Variants in ZNF704 observed in about 807,000 individuals in gnomAD.
The protein encoded by ZNF704 is zinc finger protein 704, also known as glucocorticoid induced gene 1.
ZNF704 carries 10 observed loss-of-function variants against 44.7 expected under a neutral mutation model. That is an observed-to-expected ratio of 0.22 (90% CI 0.14 to 0.38). The LOEUF (loss-of-function observed/expected upper bound fraction) is 0.38, where lower values mean the gene tolerates loss of function less well. Among genes scored for constraint, ZNF704 ranks in the 10% least tolerant of loss-of-function variants. ZNF704 has a pLI of 1.00. For missense variants in ZNF704, 390 were observed against 545.5 expected (o/e 0.71, Z 2.84); for synonymous variants, 211 against 207.6 (o/e 1.02, Z -0.14).
intron 2 of ZNF704, among the ~76,000 whole-genome samples, chr8:80,782,646 A>C (rs1807548631): frequency 6.6e-6 from 1 of 152,130 alleles, no homozygotes; most frequent in Admixed American, 6.5e-5. Context: ...TGGGAGTGTA[A>C]CCAGAAGAGG....
At chr8:80,824,380 AAG>A (rs1462242953) in intron 1 of ZNF704, among the ~76,000 whole-genome samples, 1 of 152,186 alleles carries the variant, frequency 6.6e-6, no homozygotes, top group Non-Finnish European at 1.5e-5. Context: ...TTAGAGAAAA[AAG>A]AGTAAAAAGA....
intron 1 of ZNF704, among the ~76,000 whole-genome samples, chr8:80,842,917 T>G (rs1354256840): frequency 2.6e-5 from 4 of 152,184 alleles, no homozygotes; most frequent in Non-Finnish European, 5.9e-5. Context: ...AAGGGATCCA[T>G]GCTTGGATCT....
chr8:80,761,100 T>A (rs919913648), intron 2 of ZNF704, among the ~76,000 whole-genome samples: 6 of 152,082 alleles, frequency 3.9e-5, no homozygotes, highest in African/African-American at 1.4e-4. Context: ...AGTACCCTTA[T>A]ACAAGGGCTG....
intron 2 of ZNF704, among the ~76,000 whole-genome samples, chr8:80,766,441 C>T (rs1807228675): frequency 6.6e-6 from 1 of 152,180 alleles, no homozygotes; most frequent in Non-Finnish European, 1.5e-5. Flanking sequence ...AGCTGCACCC[C>T]TGTCCTTTCC....
intron 2 of ZNF704, among the ~76,000 whole-genome samples, chr8:80,792,009 G>C (rs528882309): frequency 6.2e-4 from 94 of 152,290 alleles, no homozygotes; most frequent in African/African-American, 2.2e-3. Flanking sequence ...TGAATGACTG[G>C]AGAAAGAAAA....
intron 2 of ZNF704, among the ~76,000 whole-genome samples, chr8:80,750,759 C>T (rs1806929056): frequency 6.6e-6 from 1 of 152,140 alleles, no homozygotes; most frequent in South Asian, 2.1e-4. Context: ...AGGTGATCCA[C>T]CCACCTCAGC....
intron 1 of ZNF704, among the ~76,000 whole-genome samples, chr8:80,870,483 T>C (rs1480987722): frequency 6.6e-6 from 1 of 152,226 alleles, no homozygotes; most frequent in Admixed American, 6.5e-5. Context: ...TTCCATCTTA[T>C]CTAATCCAAA....
intron 1 of ZNF704, among the ~76,000 whole-genome samples, chr8:80,831,961 T>C (rs1808479116): frequency 2.0e-5 from 3 of 152,228 alleles, no homozygotes; most frequent in Non-Finnish European, 2.9e-5. Flanking sequence ...TGTACTACAA[T>C]AGCTACCATC....
chr8:80,767,618 G>C (rs545888175), intron 2 of ZNF704, among the ~76,000 whole-genome samples: 1 of 152,270 alleles, frequency 6.6e-6, no homozygotes, highest in South Asian at 2.1e-4. Context: ...ATTGGTGTAA[G>C]CAATAACCCT....
intron 3 of ZNF704, among the ~76,000 whole-genome samples, chr8:80,690,678 G>C (rs906468343): frequency 1.3e-5 from 2 of 152,186 alleles, no homozygotes; most frequent in Admixed American, 6.5e-5. Flanking sequence ...GGAGTAGTCA[G>C]GCCCATTTCA....
chr8:80,876,903 C>T (rs1247369134), upstream of ZNF704, among the ~76,000 whole-genome samples: 1 of 152,036 alleles, frequency 6.6e-6, no homozygotes, highest in African/African-American at 2.4e-5. Flanking sequence ...AACTTGTCAT[C>T]GGAGGACCAT....
chr8:80,784,430 G>T (rs78223097), intron 2 of ZNF704, among the ~76,000 whole-genome samples: 7,039 of 152,188 alleles, frequency 0.046, 578 homozygotes, highest in African/African-American at 0.16. Context: ...TCAGCATTTG[G>T]TGTTGTCAGT....
intron 2 of ZNF704, among the ~76,000 whole-genome samples, chr8:80,807,241 C>T (rs1048220208): frequency 6.6e-6 from 1 of 152,126 alleles, no homozygotes; most frequent in Non-Finnish European, 1.5e-5. Context: ...CCTTACTGGT[C>T]TCTTGCTTGC....
At chr8:80,689,357 T>C (rs1325010943) in intron 3 of ZNF704, among the ~76,000 whole-genome samples, 1 of 152,214 alleles carries the variant, frequency 6.6e-6, no homozygotes, top group South Asian at 2.1e-4. Context: ...CCCATCTCAT[T>C]ACAGCTAGGT....
At chr8:80,729,965 G>C (rs1164956533) in intron 2 of ZNF704, among the ~76,000 whole-genome samples, 1 of 152,074 alleles carries the variant, frequency 6.6e-6, no homozygotes, top group Non-Finnish European at 1.5e-5. Flanking sequence ...CCGTGTGCTT[G>C]CCACATGTCT....
At chr8:80,809,370 T>A (rs973509183) in intron 2 of ZNF704, among the ~76,000 whole-genome samples, 1 of 152,176 alleles carries the variant, frequency 6.6e-6, no homozygotes, top group African/African-American at 2.4e-5. Context: ...GATAGCAAAT[T>A]GGATGCAAAA....
intron 1 of ZNF704, among the ~76,000 whole-genome samples, chr8:80,848,319 T>C (rs1563575568): frequency 6.6e-6 from 1 of 152,160 alleles, no homozygotes. Context: ...TCTACAATGA[T>C]GGGGGTCACA....
At chr8:80,641,815 C>G (rs76974540) in intron 8 of ZNF704, among the ~76,000 whole-genome samples, 7,621 of 152,178 alleles carry the variant, frequency 0.05, 649 homozygotes, top group African/African-American at 0.17. Context: ...GAGCCAAGAT[C>G]GCGCTGCACT....
intron 7 of ZNF704, among the ~76,000 whole-genome samples, chr8:80,647,601 C>T (rs1043566942): frequency 2.6e-5 from 4 of 152,186 alleles, no homozygotes; most frequent in Non-Finnish European, 4.4e-5. Context: ...GTGGTTTAGA[C>T]TAGGTATGGC....
Sources: allele counts gnomAD v4.1 joint callset (sites outside exome capture counted in the v4.1 genomes callset), GRCh38; gene constraint gnomAD v4.1.1; transcripts MANE v1.5; gene names NCBI Gene and HGNC (gene_info 2026-07-23, HGNC 2026-07-21).